GPD2: variants seen among roughly 807,000 people sequenced by gnomAD.
The protein encoded by GPD2 is glycerol-3-phosphate dehydrogenase 2, also known as glycerol-3-phosphate dehydrogenase, mitochondrial.
Under a neutral mutation model 82.4 loss-of-function variants are expected in GPD2, and 54 were observed. That is an observed-to-expected ratio of 0.66 (90% CI 0.53 to 0.82). The LOEUF (loss-of-function observed/expected upper bound fraction) is 0.82. Among genes scored for constraint, GPD2 ranks in the 40% least tolerant of loss-of-function variants. The pLI, the probability that GPD2 is intolerant of heterozygous loss-of-function variation, is 0.00. For missense variants in GPD2, 748 were observed against 896.2 expected (o/e 0.83, Z 2.11); for synonymous variants, 288 against 306.1 (o/e 0.94, Z 0.62).
intron 2 of GPD2, among the ~76,000 whole-genome samples, chr2:156,479,427 A>G (rs929532704): frequency 3.3e-4 from 50 of 152,208 alleles, no homozygotes; most frequent in African/African-American, 1.1e-3. Context: ...GCTTTTCTTC[A>G]TACAAGCATA....
chr2:156,493,066 C>G (rs995285338), intron 2 of GPD2, among the ~76,000 whole-genome samples: 3 of 152,100 alleles, frequency 2.0e-5, no homozygotes, highest in Admixed American at 6.6e-5. Flanking sequence ...CTCTCTCTCT[C>G]TTACTGTCTG....
intron 1 of GPD2, among the ~76,000 whole-genome samples, chr2:156,475,706 T>G (rs936051700): frequency 5.3e-5 from 8 of 152,212 alleles, no homozygotes; most frequent in Admixed American, 4.6e-4. Flanking sequence ...AAGACTTCTT[T>G]CTGCTGGTTC....
At chr2:156,468,806 C>T (rs907640447) in intron 1 of GPD2, among the ~76,000 whole-genome samples, 1 of 152,054 alleles carries the variant, frequency 6.6e-6, no homozygotes, top group Non-Finnish European at 1.5e-5. Flanking sequence ...AAATGGGTAT[C>T]CATTACCTTA....
At chr2:156,521,519 G>T (rs1353971903) in intron 6 of GPD2, among the ~76,000 whole-genome samples, 1 of 152,078 alleles carries the variant, frequency 6.6e-6, no homozygotes, top group East Asian at 1.9e-4. Context: ...TATTTTTGGG[G>T]GGTCAATTTC....
intron 1 of GPD2, among the ~76,000 whole-genome samples, chr2:156,462,578 A>G (rs1683027481): frequency 6.6e-6 from 1 of 151,674 alleles, no homozygotes; most frequent in Non-Finnish European, 1.5e-5. Context: ...CTGGGATTAC[A>G]GGCATGAGCC....
At chr2:156,405,509 T>C in the GPD2 span, among the ~76,000 whole-genome samples, 1 of 152,214 alleles carries the variant, frequency 6.6e-6, no homozygotes, top group Admixed American at 6.5e-5. Context: ...AACAGGACAG[T>C]GGCATCTGTG....
At chr2:156,503,002 A>G (rs1242942584) in intron 3 of GPD2, among the ~76,000 whole-genome samples, 1 of 151,890 alleles carries the variant, frequency 6.6e-6, no homozygotes, top group Non-Finnish European at 1.5e-5. Context: ...CTCTGTAAGT[A>G]TAGTAATGAC....
intron 9 of GPD2, among the ~76,000 whole-genome samples, chr2:156,567,446 T>G (rs543843057): frequency 3.3e-5 from 5 of 152,066 alleles, no homozygotes; most frequent in Non-Finnish European, 7.4e-5. Flanking sequence ...ATCTTGAAGT[T>G]TTCAAGACTA....
chr2:156,543,187 G>A (rs1686391237), intron 6 of GPD2, among the ~76,000 whole-genome samples: 1 of 152,076 alleles, frequency 6.6e-6, no homozygotes. Context: ...GGGTAGCTAG[G>A]TAGAGAGATA....
In GPD2 at chr2:156,585,535, G is replaced by A. The variant is rs1688188041; in HGVS notation, c.*2617G>A. 6.6e-6 allele frequency: 1 copy of A among 152,300 alleles called. No individual in the cohort carries two copies. The highest frequency in any genetic ancestry group is 2.4e-5 in the African/African-American group (1 of 41,374). 9.4% of individuals were successfully genotyped at this position (152,300 alleles called of 1,614,324 possible). ...CTGCCTCATATCCATCATGCTGTTT[G>A]CAATATTCTTGCTTTCAATCAATTT... On this transcript the variant is annotated 3_prime_UTR_variant, in exon 17 of 17. Coordinates refer to ENST00000438166, the MANE Select transcript of GPD2 (RefSeq NM_000408.5).
At chr2:156,485,850 A>G (rs1171794777) in intron 2 of GPD2, among the ~76,000 whole-genome samples, 1 of 152,202 alleles carries the variant, frequency 6.6e-6, no homozygotes, top group African/African-American at 2.4e-5. Context: ...ATGTGTCTTG[A>G]ATTTAGTTTC....
At chr2:156,484,322 A>G (rs968549860) in intron 2 of GPD2, among the ~76,000 whole-genome samples, 1 of 151,600 alleles carries the variant, frequency 6.6e-6, no homozygotes, top group African/African-American at 2.4e-5. Context: ...TTTTTAGTAG[A>G]GATGGGGTTT....
At chr2:156,507,418 C>T (rs1342929793) in intron 3 of GPD2, among the ~76,000 whole-genome samples, 6 of 151,432 alleles carry the variant, frequency 4.0e-5, no homozygotes, top group Non-Finnish European at 7.4e-5. Context: ...GTCTTTTGGG[C>T]TCAAGCCGAT....
the GPD2 span, among the ~76,000 whole-genome samples, chr2:156,412,761 A>G: frequency 6.6e-6 from 1 of 152,208 alleles, no homozygotes; most frequent in South Asian, 2.1e-4. Flanking sequence ...GCTTTGGATT[A>G]TCCTAAAGAA....
In GPD2 at chr2:156,568,717, T is replaced by C. The variant is rs1001437418; in HGVS notation, c.1166-108T>C. Reference sequence around the variant, plus strand: ...TTTAGGCTTTCTCTCCTTTTTAAAGTGCACACATGTGTATTCCTGTCACCG... The same window carrying C: ...TTTAGGCTTTCTCTCCTTTTTAAAGCGCACACATGTGTATTCCTGTCACCG... On this transcript the variant is annotated intron_variant, in intron 9 of 16. Coordinates refer to ENST00000438166, the MANE Select transcript of GPD2 (RefSeq NM_000408.5). 3 of 913,216 alleles carry C rather than the reference T, an allele frequency of 3.3e-6. No individual in the cohort carries two copies. In the African/African-American group the frequency reaches 5.0e-5, roughly 15 times the overall value. The allele number at this position is 913,216 out of a possible 1,614,324, so 56.6% of individuals were successfully genotyped here. A position where few individuals can be genotyped will look rare whatever the true frequency, so the allele number is the denominator to read the frequency against.
intron 4 of GPD2, 40 bp downstream of exon 4, chr2:156,510,960 G>A (rs1194103447): frequency 6.3e-7 from 1 of 1,598,850 alleles, no homozygotes. Context: ...AATTGCAACT[G>A]TGCTTTTTTC....
chr2:156,570,494 C>T (rs545189086), intron 12 of GPD2, among the ~76,000 whole-genome samples: 1 of 152,086 alleles, frequency 6.6e-6, no homozygotes, highest in African/African-American at 2.4e-5. Context: ...ACAGTTGTCC[C>T]TTTTGTGCAT....
chr2:156,436,026 G>C (rs1193029136), upstream of GPD2, among the ~76,000 whole-genome samples: 6 of 152,218 alleles, frequency 3.9e-5, no homozygotes, highest in Non-Finnish European at 8.8e-5. Flanking sequence ...CTGCAGCCAG[G>C]GGCGAGGGCC....
chr2:156,493,373 A>T (rs913946867), intron 2 of GPD2, among the ~76,000 whole-genome samples: 1 of 152,142 alleles, frequency 6.6e-6, no homozygotes, highest in African/African-American at 2.4e-5. Flanking sequence ...CAGTAGAAAA[A>T]AAACAAGATT....
Sources: gnomAD v4.1 joint callset for allele counts (sites outside exome capture counted in the v4.1 genomes callset) on GRCh38, gnomAD v4.1.1 for gene constraint, MANE v1.5 for transcripts, NCBI Gene and HGNC (gene_info 2026-07-23, HGNC 2026-07-21) for gene names.